RFT1: variants seen among roughly 807,000 people sequenced by gnomAD.
The protein encoded by RFT1 is man(5)GlcNAc(2)-PP-dolichol translocation protein RFT1.
A neutral mutation model predicts 62.2 loss-of-function variants in RFT1; 43 were observed. The ratio of observed to expected loss-of-function variants is 0.69; its 90% CI spans 0.54 to 0.89. RFT1 has a LOEUF of 0.89. RFT1 is among the 40% of genes least tolerant of loss of function. RFT1 has a pLI of 0.00. For missense variants in RFT1, 605 were observed against 649.9 expected (o/e 0.93, Z 0.75); for synonymous variants, 262 against 264.6 (o/e 0.99, Z 0.10).
At chr3:53,100,525 A>G (rs1701280250) in intron 10 of RFT1, among the ~76,000 whole-genome samples, 1 of 152,248 alleles carries the variant, frequency 6.6e-6, no homozygotes, top group Admixed American at 6.5e-5. Context: ...AAAACTGACC[A>G]TCAACAGAAG....
intron 11 of RFT1, among the ~76,000 whole-genome samples, chr3:53,096,135 C>T (rs189588129): frequency 6.6e-6 from 1 of 152,324 alleles, no homozygotes; most frequent in Non-Finnish European, 1.5e-5. Flanking sequence ...CAGCACATCA[C>T]ATTTTCTTAT....
chr3:53,093,238 C>T (rs1701047347), intron 11 of RFT1, among the ~76,000 whole-genome samples: 1 of 152,182 alleles, frequency 6.6e-6, no homozygotes, highest in South Asian at 2.1e-4. Flanking sequence ...GGAACTGAAA[C>T]CAAAGCCTGG....
intron 10 of RFT1, 95 bp from the exon 11 acceptor site, chr3:53,099,581 C>G: frequency 1.1e-6 from 1 of 904,582 alleles, no homozygotes; most frequent in East Asian, 2.5e-5. Flanking sequence ...CAGAACCAGA[C>G]TATGAGGTCT....
chr3:53,117,139 CT>C (rs897414671), intron 6 of RFT1, among the ~76,000 whole-genome samples: 1 of 152,202 alleles, frequency 6.6e-6, no homozygotes, highest in African/African-American at 2.4e-5. Context: ...GTTTTCTTGT[CT>C]GTAAAATGGA....
chr3:53,118,780 G>A (rs554826230), intron 6 of RFT1, among the ~76,000 whole-genome samples: 27 of 152,264 alleles, frequency 1.8e-4, no homozygotes, highest in African/African-American at 4.1e-4. Context: ...CCCCAGAAGA[G>A]CCAGAAAATG....
chr3:53,084,801 T>C (rs1008480670), downstream of RFT1, among the ~76,000 whole-genome samples: 1 of 152,158 alleles, frequency 6.6e-6, no homozygotes, highest in Admixed American at 6.5e-5. Context: ...GACACATTTA[T>C]TGGAGGGAGA....
rs573957052 is a variant in RFT1, at chr3:53,106,604, A to G, written c.826+215T>C. ...TCCCAAAATGAACACCAGAGCTCTC[A>G]GGAGGCAAAATAGAGGGCCGGGGTC... On this transcript the variant is annotated intron_variant, in intron 8 of 12. Transcript: ENST00000296292. 9.4e-4 allele frequency among the ~76,000 whole-genome samples: 143 copies of G among 152,312 alleles called. 1 individual carries two copies. Among genetic ancestry groups the G allele is most frequent in the African/African-American group, 3.4e-3 (140 of 41,580 alleles).
chr3:53,118,942 C>T (rs780658355), intron 6 of RFT1, among the ~76,000 whole-genome samples: 1 of 152,076 alleles, frequency 6.6e-6, no homozygotes, highest in Non-Finnish European at 1.5e-5. Flanking sequence ...TGAGGCCGGG[C>T]GTGGTGGCTC....
chr3:53,080,954 C>A, the RFT1 span, among the ~76,000 whole-genome samples: 12 of 152,220 alleles, frequency 7.9e-5, no homozygotes, highest in Non-Finnish European at 1.6e-4. Flanking sequence ...CTTTCTAATT[C>A]TCAAGGGAGA....
chr3:53,092,597 G>A lies in RFT1; in HGVS notation c.1230C>T (p.Ala410=). Reference sequence around the variant, plus strand: ...ATAACACCAGGAATGAGGAGGACAGGGCCAGCATCACAAAATTGTACCTGG... The same window carrying A: ...ATAACACCAGGAATGAGGAGGACAGAGCCAGCATCACAAAATTGTACCTGG... ...EVDRYNFVML[A]LSSSFLVLSY... is the part of the protein sequence containing the mutation. The change falls in exon 12 of 13, where the codon GCC becomes GCT. Residue 410 remains alanine (A), a synonymous_variant. Coordinates refer to ENST00000296292, the MANE Select transcript of RFT1 (RefSeq NM_052859.4). 1 of 1,611,924 alleles carries A rather than the reference G, an allele frequency of 6.2e-7. No individual in the cohort carries two copies.
intron 11 of RFT1, among the ~76,000 whole-genome samples, chr3:53,097,204 T>C (rs1186002017): frequency 6.6e-6 from 1 of 152,160 alleles, no homozygotes; most frequent in African/African-American, 2.4e-5. Flanking sequence ...ATAAAAATCC[T>C]TGCTAGAGTT....
At chr3:53,104,137 G>A (rs1341890994) in intron 9 of RFT1, 40 bp from the exon 10 acceptor site, 1 of 1,610,976 alleles carries the variant, frequency 6.2e-7, no homozygotes, top group African/African-American at 1.3e-5. Flanking sequence ...GATGAATCAT[G>A]AGCTGAAGAA....
intron 11 of RFT1, among the ~76,000 whole-genome samples, chr3:53,097,225 T>TA (rs1187606155): frequency 6.6e-6 from 1 of 152,000 alleles, no homozygotes; most frequent in Non-Finnish European, 1.5e-5. Context: ...TTTTGTCTGT[T>TA]AAAATTCACA....
the RFT1 span, among the ~76,000 whole-genome samples, chr3:53,070,393 G>GTTTTTTTTT: frequency 1.5e-4 from 13 of 85,466 alleles, 1 homozygote; most frequent in South Asian, 4.9e-4. Context: ...CTGTATTATG[G>GTTTTTTTTT]TTTTTTTTTT....
rs141062014 is a variant in RFT1, at chr3:53,092,731, C to G, written c.1209-113G>C. ...CAGAAAGAACCTGAGCTCCTGGAAT[C>G]CAGGTTTTCATAACATCGAATGCTA... is the stretch of plus-strand genomic sequence containing the variant. On this transcript the variant is annotated intron_variant, in intron 11 of 12. Transcript: ENST00000296292. 591 of 1,292,918 alleles carry G rather than the reference C, an allele frequency of 4.6e-4. 8 individuals carry two copies. In the East Asian group the frequency reaches 0.015, roughly 32 times the overall value. The allele number at this position is 1,292,918 out of a possible 1,614,324, so 80.1% of individuals were successfully genotyped here.
At chr3:53,085,217 G>A (rs939635736), downstream of RFT1, among the ~76,000 whole-genome samples, 1 of 152,172 alleles carries the variant, frequency 6.6e-6, no homozygotes, top group Non-Finnish European at 1.5e-5. Context: ...CTGCTGTCTG[G>A]GCCCCAGGAA....
intron 11 of RFT1, among the ~76,000 whole-genome samples, chr3:53,095,735 A>C (rs1009687874): frequency 5.6e-4 from 85 of 152,258 alleles, no homozygotes; most frequent in African/African-American, 2.0e-3. Flanking sequence ...TAAAAAAAAA[A>C]AAAAGGCATG....
chr3:53,073,552 AGGGGTTCAGGAGGCCCCCTCT>A, the RFT1 span, among the ~76,000 whole-genome samples: 1 of 152,196 alleles, frequency 6.6e-6, no homozygotes, highest in African/African-American at 2.4e-5. Flanking sequence ...AGGGTCAGTG[AGGGGTTCAGGAGGCCCCCTCT>A]GCGCCTCTCT....
chr3:53,121,606 C>T, intron 5 of RFT1, 93 bp downstream of exon 5: 1 of 986,838 alleles, frequency 1.0e-6, no homozygotes, highest in Non-Finnish European at 1.6e-6. Context: ...GGCATGGGTA[C>T]TGTGAATGCA....
Sources: allele counts gnomAD v4.1 joint callset (sites outside exome capture counted in the v4.1 genomes callset), GRCh38; gene constraint gnomAD v4.1.1; transcripts MANE v1.5; gene names NCBI Gene and HGNC (gene_info 2026-07-23, HGNC 2026-07-21).